The following MDGA2 variants were observed in gnomAD, a reference collection of about 807,000 sequenced individuals.
MDGA2 encodes MAM domain containing glycosylphosphatidylinositol anchor 2, also known as MAM domain-containing glycosylphosphatidylinositol anchor protein 2.
In MDGA2, 40 loss-of-function variants were observed where a neutral mutation model predicts 117.8. That is an observed-to-expected ratio of 0.34 (90% CI 0.26 to 0.44). The LOEUF is 0.44. Ranked by LOEUF, MDGA2 falls within the 20% of genes least tolerant of loss-of-function variation. The pLI, the probability that MDGA2 is intolerant of heterozygous loss-of-function variation, is 1.00. For missense variants in MDGA2, 1,123 were observed against 1,250.6 expected (o/e 0.90, Z 1.54); for synonymous variants, 452 against 439.0 (o/e 1.03, Z -0.37).
chr14:47,647,396 G>A (rs996182167), intron 1 of MDGA2, among the ~76,000 whole-genome samples: 6 of 151,812 alleles, frequency 4.0e-5, no homozygotes, highest in African/African-American at 1.5e-4. Context: ...CCTTATAATA[G>A]TAGGCATTAA....
intron 1 of MDGA2, among the ~76,000 whole-genome samples, chr14:47,600,284 G>T (rs1896622776): frequency 6.6e-6 from 1 of 151,318 alleles, no homozygotes; most frequent in South Asian, 2.1e-4. Flanking sequence ...TGTATTTTTT[G>T]GGGATTGCAG....
At chr14:47,192,587 C>T (rs1885155695) in intron 3 of MDGA2, among the ~76,000 whole-genome samples, 1 of 151,818 alleles carries the variant, frequency 6.6e-6, no homozygotes. Context: ...CCATTGCACT[C>T]CAGCCTGGGT....
intron 1 of MDGA2, among the ~76,000 whole-genome samples, chr14:47,364,210 T>C (rs1891183450): frequency 6.6e-6 from 1 of 152,180 alleles, no homozygotes; most frequent in South Asian, 2.1e-4. Flanking sequence ...AGAGTAAGTA[T>C]ACATGTAATG....
At chr14:47,281,295 C>T (rs1000334168) in intron 2 of MDGA2, among the ~76,000 whole-genome samples, 1 of 151,902 alleles carries the variant, frequency 6.6e-6, no homozygotes, top group Admixed American at 6.6e-5. Flanking sequence ...ACCCCTCTCC[C>T]CCCATCCCAT....
chr14:47,168,952 A>G (rs1038745892), intron 3 of MDGA2, among the ~76,000 whole-genome samples: 9 of 152,084 alleles, frequency 5.9e-5, no homozygotes, highest in African/African-American at 1.7e-4. Context: ...AAATAACATG[A>G]GACTTTAAAT....
chr14:47,047,551 G>A (rs183750059), intron 7 of MDGA2, among the ~76,000 whole-genome samples: 35 of 152,130 alleles, frequency 2.3e-4, no homozygotes, highest in East Asian at 5.8e-4. Flanking sequence ...TTCAGTTTAC[G>A]TAAAGTGAGC....
At chr14:47,540,523 T>C (rs1371605276) in intron 1 of MDGA2, among the ~76,000 whole-genome samples, 2 of 70,812 alleles carry the variant, frequency 2.8e-5, no homozygotes, top group East Asian at 1.9e-3. Flanking sequence ...TATGTATATG[T>C]GTGTGTGTGT....
At chr14:47,645,617 C>G (rs1016381680) in intron 1 of MDGA2, among the ~76,000 whole-genome samples, 19 of 151,934 alleles carry the variant, frequency 1.3e-4, no homozygotes, top group African/African-American at 4.6e-4. Flanking sequence ...CTTATAATTA[C>G]AAATATTATA....
chr14:46,849,108 G>T (rs1009392042), intron 15 of MDGA2, among the ~76,000 whole-genome samples: 1 of 151,808 alleles, frequency 6.6e-6, no homozygotes, highest in Non-Finnish European at 1.5e-5. Context: ...TTATTTATTG[G>T]TATGATAAAG....
chr14:47,546,673 A>G (rs1895468926), intron 1 of MDGA2, among the ~76,000 whole-genome samples: 1 of 152,194 alleles, frequency 6.6e-6, no homozygotes, highest in Non-Finnish European at 1.5e-5. Context: ...ACACAGGAAA[A>G]TCCCTTTGGT....
At chr14:46,966,626 A>G (rs1452861595) in intron 8 of MDGA2, among the ~76,000 whole-genome samples, 1 of 152,198 alleles carries the variant, frequency 6.6e-6, no homozygotes, top group Admixed American at 6.5e-5. Flanking sequence ...TATTACCCAT[A>G]TATTATAATC....
At chr14:47,564,211 A>T (rs1224651971) in intron 1 of MDGA2, among the ~76,000 whole-genome samples, 2 of 151,952 alleles carry the variant, frequency 1.3e-5, no homozygotes, top group African/African-American at 4.8e-5. Flanking sequence ...GACCTTGGAG[A>T]ATCTGATGAC....
At chr14:47,041,834 A>C (rs1385206139) in intron 7 of MDGA2, among the ~76,000 whole-genome samples, 3 of 152,114 alleles carry the variant, frequency 2.0e-5, no homozygotes, top group Admixed American at 1.3e-4. Flanking sequence ...CATTTGAACT[A>C]TGTGGAAAAA....
chr14:47,554,012 C>T (rs1446981195), intron 1 of MDGA2, among the ~76,000 whole-genome samples: 1 of 152,252 alleles, frequency 6.6e-6, no homozygotes, highest in African/African-American at 2.4e-5. Flanking sequence ...CCCGTCCACC[C>T]CCCGTTATCA....
At chr14:47,079,665 G>A (rs973380260) in intron 6 of MDGA2, among the ~76,000 whole-genome samples, 1 of 147,794 alleles carries the variant, frequency 6.8e-6, no homozygotes, top group African/African-American at 2.5e-5. Context: ...TTTAGGCTGT[G>A]TTGACAAAAT....
At chr14:47,432,145 T>C (rs1360402543) in intron 1 of MDGA2, among the ~76,000 whole-genome samples, 2 of 152,086 alleles carry the variant, frequency 1.3e-5, no homozygotes, top group Non-Finnish European at 2.9e-5. Flanking sequence ...TGATTGTTTT[T>C]TTAAAGACTG....
chr14:47,008,187 G>C (rs896767457), intron 8 of MDGA2, among the ~76,000 whole-genome samples: 4 of 151,792 alleles, frequency 2.6e-5, no homozygotes, highest in African/African-American at 9.7e-5. Flanking sequence ...AAATGTGTAT[G>C]TTAGAGAAAC....
At chr14:47,405,938 C>A (rs1338264583) in intron 1 of MDGA2, among the ~76,000 whole-genome samples, 1 of 152,054 alleles carries the variant, frequency 6.6e-6, no homozygotes, top group East Asian at 1.9e-4. Flanking sequence ...AATTGAAAAC[C>A]TTAAGGATTA....
At chr14:47,109,446 C>T (rs1362283593) in intron 5 of MDGA2, among the ~76,000 whole-genome samples, 5 of 152,078 alleles carry the variant, frequency 3.3e-5, no homozygotes, top group Non-Finnish European at 5.9e-5. Context: ...GGACATTTGC[C>T]CCTATGCTTT....
Sources: allele counts gnomAD v4.1 joint callset (sites outside exome capture counted in the v4.1 genomes callset), GRCh38; gene constraint gnomAD v4.1.1; transcripts MANE v1.5; gene names NCBI Gene and HGNC (gene_info 2026-07-23, HGNC 2026-07-21).